RCAN2: variants seen among roughly 807,000 people sequenced by gnomAD.
RCAN2 encodes the protein calcipressin-2.
In RCAN2, 9 loss-of-function variants were observed where a neutral mutation model predicts 23.6. The observed-to-expected ratio is 0.38, with a 90% CI of 0.23 to 0.67. The LOEUF is 0.67. Among genes scored for constraint, RCAN2 ranks in the 30% least tolerant of loss-of-function variants. The pLI is 0.51. For synonymous variants in RCAN2, 109 were observed against 115.7 expected, an observed-to-expected ratio of 0.94 and a Z score of 0.37; for missense variants, 273 against 302.3, an observed-to-expected ratio of 0.90 and a Z score of 0.72.
Position 46,474,520 on chromosome 6 carries a change from T to C in RCAN2, c.-3+16653A>G, listed in dbSNP as rs531610858. On this transcript the variant is annotated intron_variant, in intron 1 of 4. Coordinates refer to ENST00000371374, the MANE Select transcript of RCAN2 (RefSeq NM_001251974.2). Reference sequence around the variant, plus strand: ...CAGTTAAGAGTTGGAGAGGGGCATATGGATAGAAGACCACCTAAGCCGCCA... The same window carrying C: ...CAGTTAAGAGTTGGAGAGGGGCATACGGATAGAAGACCACCTAAGCCGCCA... Among the ~76,000 whole-genome samples the C allele has an allele frequency of 2.0e-5, 3 of 152,234 alleles. No individual in the cohort carries two copies. In the South Asian group the frequency reaches 6.2e-4, roughly 32 times the overall value.
chr6:46,424,683 C>A (rs1482132006), intron 2 of RCAN2, among the ~76,000 whole-genome samples: 1 of 152,064 alleles, frequency 6.6e-6, no homozygotes, highest in Non-Finnish European at 1.5e-5. Flanking sequence ...TGTGTGAGTC[C>A]TTAGGCTGCC....
At chr6:46,314,704 T>C (rs1763377734) in intron 2 of RCAN2, among the ~76,000 whole-genome samples, 1 of 152,210 alleles carries the variant, frequency 6.6e-6, no homozygotes, top group Non-Finnish European at 1.5e-5. Flanking sequence ...GGTGTTTAGA[T>C]ATATTTTAAA....
chr6:46,382,319 G>A (rs907787893), intron 2 of RCAN2, among the ~76,000 whole-genome samples: 2 of 152,118 alleles, frequency 1.3e-5, no homozygotes, highest in Non-Finnish European at 2.9e-5. Flanking sequence ...TACCTTGTAC[G>A]TAATAAGAGC....
chr6:46,491,684 C>T (rs1769160190), upstream of RCAN2, among the ~76,000 whole-genome samples: 1 of 151,808 alleles, frequency 6.6e-6, no homozygotes, highest in South Asian at 2.1e-4. Context: ...TTCAGGTGCC[C>T]GGGAGGGCGC....
chr6:46,320,664 T>C (rs1344376672), intron 2 of RCAN2, among the ~76,000 whole-genome samples: 1 of 152,152 alleles, frequency 6.6e-6, no homozygotes, highest in African/African-American at 2.4e-5. Context: ...GTTGAGAAAT[T>C]CTCAAAAGCA....
At chr6:46,407,259 A>C (rs919804666) in intron 2 of RCAN2, among the ~76,000 whole-genome samples, 4 of 152,260 alleles carry the variant, frequency 2.6e-5, no homozygotes, top group Non-Finnish European at 5.9e-5. Context: ...AGCTAAATTT[A>C]GATGAAACCA....
At chr6:46,266,659 G>A (rs1005799885) in intron 2 of RCAN2, among the ~76,000 whole-genome samples, 4 of 152,164 alleles carry the variant, frequency 2.6e-5, no homozygotes, top group Admixed American at 1.3e-4. Context: ...CAGGCTTTGC[G>A]TCATGGATAT....
chr6:46,256,108 G>C (rs1364338061), intron 2 of RCAN2, among the ~76,000 whole-genome samples: 1 of 152,102 alleles, frequency 6.6e-6, no homozygotes, highest in Admixed American at 6.5e-5. Context: ...GGTAGCTCAC[G>C]CCTGTAATCC....
rs1437462120 is a variant in RCAN2 at position 46,373,784 on chromosome 6, T to C, written c.225+82968A>G. On this transcript the variant is annotated intron_variant, in intron 2 of 4. Coordinates refer to ENST00000371374, the MANE Select transcript of RCAN2 (RefSeq NM_001251974.2). ...CTGAGACTTTTGACGTATGAGAAGA[T>C]GAATCAGTCTCTATCTCTGTCTCTC... Among the ~76,000 whole-genome samples, 5 of 152,290 alleles carry C rather than the reference T, an allele frequency of 3.3e-5. No individual in the cohort carries two copies. In the East Asian group the frequency reaches 9.7e-4, roughly 29 times the overall value.
At chr6:46,265,788 A>C (rs1181539710) in intron 2 of RCAN2, among the ~76,000 whole-genome samples, 2 of 152,226 alleles carry the variant, frequency 1.3e-5, no homozygotes, top group Non-Finnish European at 2.9e-5. Flanking sequence ...TTACGGAATA[A>C]ATTTTTATTC....
intron 4 of RCAN2, among the ~76,000 whole-genome samples, chr6:46,224,427 C>G (rs1765578723): frequency 6.6e-6 from 1 of 152,166 alleles, no homozygotes; most frequent in African/African-American, 2.4e-5. Context: ...CACAGAAGAC[C>G]CTGCGTAATC....
intron 2 of RCAN2, among the ~76,000 whole-genome samples, chr6:46,425,031 A>G (rs1348265037): frequency 6.6e-6 from 1 of 152,172 alleles, no homozygotes; most frequent in Non-Finnish European, 1.5e-5. Context: ...GACAGAGAAA[A>G]TTAGACTCCT....
intron 2 of RCAN2, among the ~76,000 whole-genome samples, chr6:46,303,536 A>G (rs1762974047): frequency 6.6e-6 from 1 of 151,934 alleles, no homozygotes; most frequent in African/African-American, 2.4e-5. Context: ...TATGTTCTCA[A>G]TCTTGTCCCT....
chr6:46,460,223 T>C (rs1768169342), intron 1 of RCAN2, among the ~76,000 whole-genome samples: 1 of 152,248 alleles, frequency 6.6e-6, no homozygotes, highest in South Asian at 2.1e-4. Flanking sequence ...CATATCTGGC[T>C]AATTTCTTTT....
At chr6:46,456,661 C>T (rs1768040793) in intron 2 of RCAN2, 91 bp downstream of exon 2, 1 of 1,015,788 alleles carries the variant, frequency 9.8e-7, no homozygotes, top group Non-Finnish European at 1.5e-6. Context: ...TTTCCAAAAA[C>T]TTCAAAACAC....
intron 2 of RCAN2, among the ~76,000 whole-genome samples, chr6:46,297,362 G>C (rs1762756012): frequency 6.6e-6 from 1 of 152,102 alleles, no homozygotes; most frequent in African/African-American, 2.4e-5. Context: ...TCACAGTAAA[G>C]CTTCTTAGTC....
At chr6:46,238,796 C>G (rs1322289005) in intron 4 of RCAN2, among the ~76,000 whole-genome samples, 2 of 152,194 alleles carry the variant, frequency 1.3e-5, no homozygotes, top group Non-Finnish European at 2.9e-5. Flanking sequence ...TCAACTGATC[C>G]TCCTGCCTTA....
intron 2 of RCAN2, among the ~76,000 whole-genome samples, chr6:46,303,972 T>C (rs1240107785): frequency 6.6e-6 from 1 of 152,130 alleles, no homozygotes; most frequent in Non-Finnish European, 1.5e-5. Context: ...GAATTAGAAA[T>C]ACCAGATCAT....
At position 46,477,011 on chromosome 6, in the gene RCAN2, A is replaced by C. The variant is rs182426367; in HGVS notation, c.-3+14162T>G. ...ATCCTCCAAAAAAACATAAAAGAACAGAGTTTGGATTGCTTCCAGGTTCCT... is the reference window on the plus strand; with the variant it reads ...ATCCTCCAAAAAAACATAAAAGAACCGAGTTTGGATTGCTTCCAGGTTCCT... On this transcript the variant is annotated intron_variant, in intron 1 of 4. Transcript: ENST00000371374. Among the ~76,000 whole-genome samples the C allele has an allele frequency of 3.5e-4, 53 of 152,324 alleles. No individual in the cohort carries two copies. The East Asian group carries it at 9.8e-3, about 28-fold the overall frequency.
Sources: allele counts gnomAD v4.1 joint callset (sites outside exome capture counted in the v4.1 genomes callset), GRCh38; gene constraint gnomAD v4.1.1; transcripts MANE v1.5; gene names NCBI Gene and HGNC (gene_info 2026-07-23, HGNC 2026-07-21).